The following FAF1 variants were observed in gnomAD, a reference collection of about 807,000 sequenced individuals.
FAF1 encodes the protein FAS-associated factor 1.
In FAF1, 25 loss-of-function variants were observed where a neutral mutation model predicts 92.5. The observed-to-expected ratio is 0.27, with a 90% CI of 0.20 to 0.38. The LOEUF is 0.38. Ranked by LOEUF, FAF1 falls within the 10% of genes least tolerant of loss-of-function variation. The pLI is 1.00. For missense variants in FAF1, 636 were observed against 793.3 expected, an observed-to-expected ratio of 0.80 and a Z score of 2.38; for synonymous variants, 234 against 273.2, an observed-to-expected ratio of 0.86 and a Z score of 1.42.
At chr1:50,590,260 T>C (rs1224742913) in intron 9 of FAF1, among the ~76,000 whole-genome samples, 3 of 152,256 alleles carry the variant, frequency 2.0e-5, no homozygotes, top group African/African-American at 7.2e-5. Flanking sequence ...ACTACAATAT[T>C]ACGCCTTCCA....
At chr1:50,796,987 T>A (rs1401036531) in intron 3 of FAF1, among the ~76,000 whole-genome samples, 7 of 152,034 alleles carry the variant, frequency 4.6e-5, no homozygotes, top group Admixed American at 3.3e-4. Context: ...AATAAAAAAA[T>A]TAGCCGGGCT....
chr1:50,761,682 C>T (rs1323294941), intron 4 of FAF1, among the ~76,000 whole-genome samples: 3 of 152,144 alleles, frequency 2.0e-5, no homozygotes, highest in Non-Finnish European at 2.9e-5. Context: ...ATTGATGGGA[C>T]GTATCTCAAA....
At chr1:50,787,592 T>C (rs116414349) in intron 4 of FAF1, among the ~76,000 whole-genome samples, 15 of 152,306 alleles carry the variant, frequency 9.8e-5, no homozygotes, top group African/African-American at 3.6e-4. Context: ...AGAAAATAAA[T>C]TTCTGTTCCT....
At chr1:50,747,512 T>A (rs1388056935) in intron 4 of FAF1, among the ~76,000 whole-genome samples, 1 of 152,190 alleles carries the variant, frequency 6.6e-6, no homozygotes, top group Non-Finnish European at 1.5e-5. Flanking sequence ...CATTTTATCT[T>A]AGGAGTAAGT....
intron 15 of FAF1, among the ~76,000 whole-genome samples, chr1:50,530,651 G>A (rs1374815860): frequency 6.6e-6 from 1 of 152,084 alleles, no homozygotes; most frequent in Non-Finnish European, 1.5e-5. Context: ...TGGATTGTTT[G>A]TAACTCAAAG....
At chr1:50,734,375 T>G (rs1046374206) in intron 6 of FAF1, among the ~76,000 whole-genome samples, 1 of 152,234 alleles carries the variant, frequency 6.6e-6, no homozygotes, top group Non-Finnish European at 1.5e-5. Context: ...CCAATGGCTT[T>G]TTTAATAATC....
intron 8 of FAF1, among the ~76,000 whole-genome samples, chr1:50,643,061 C>A (rs1288936719): frequency 6.6e-6 from 1 of 152,158 alleles, no homozygotes; most frequent in Non-Finnish European, 1.5e-5. Flanking sequence ...AACTCCTGAC[C>A]TCAGGTGATC....
chr1:50,673,202 G>A (rs1280316445), intron 7 of FAF1, among the ~76,000 whole-genome samples: 4 of 151,698 alleles, frequency 2.6e-5, no homozygotes, highest in South Asian at 2.1e-4. Context: ...AGGTTGCAGT[G>A]AGCCAAGATC....
At chr1:50,469,872 A>G (rs1470186115) in intron 18 of FAF1, among the ~76,000 whole-genome samples, 1 of 152,166 alleles carries the variant, frequency 6.6e-6, no homozygotes, top group East Asian at 1.9e-4. Flanking sequence ...CTGAATCTTG[A>G]TTATTTAGGG....
chr1:50,493,079 C>T (rs1264219197), intron 15 of FAF1, among the ~76,000 whole-genome samples: 5 of 148,932 alleles, frequency 3.4e-5, no homozygotes, highest in African/African-American at 1.3e-4. Context: ...GTCACCCAGG[C>T]TGGAGGGCAG....
intron 1 of FAF1, among the ~76,000 whole-genome samples, chr1:50,890,692 C>T (rs1476228134): frequency 6.6e-6 from 1 of 152,172 alleles, no homozygotes; most frequent in African/African-American, 2.4e-5. Context: ...TATTGGTCCC[C>T]ACTCTCTTCT....
chr1:50,595,408 T>A (rs1451214838), intron 9 of FAF1, among the ~76,000 whole-genome samples: 1 of 152,130 alleles, frequency 6.6e-6, no homozygotes, highest in African/African-American at 2.4e-5. Flanking sequence ...AGGTATAGTG[T>A]TATTCATCTT....
intron 1 of FAF1, among the ~76,000 whole-genome samples, chr1:50,893,518 C>A (rs923748639): frequency 6.6e-6 from 1 of 152,200 alleles, no homozygotes; most frequent in African/African-American, 2.4e-5. Flanking sequence ...TCTTCCCACA[C>A]TTTCTCCCAA....
At chr1:50,946,944 C>A (rs984369600) in intron 1 of FAF1, among the ~76,000 whole-genome samples, 1 of 152,162 alleles carries the variant, frequency 6.6e-6, no homozygotes, top group East Asian at 1.9e-4. Flanking sequence ...ATACAAAAAT[C>A]TTTGGAAAGA....
chr1:50,794,351 C>G (rs1326924042), intron 3 of FAF1, among the ~76,000 whole-genome samples: 1 of 152,226 alleles, frequency 6.6e-6, no homozygotes, highest in Non-Finnish European at 1.5e-5. Context: ...TGTAGTACTA[C>G]GACCACAATC....
intron 1 of FAF1, among the ~76,000 whole-genome samples, chr1:50,941,932 G>A (rs1184574829): frequency 6.6e-6 from 1 of 151,854 alleles, no homozygotes; most frequent in Non-Finnish European, 1.5e-5. Context: ...TTTTTATTAT[G>A]CCAGTAAACT....
chr1:50,750,804 G>C (rs1007625751), intron 4 of FAF1, among the ~76,000 whole-genome samples: 2 of 151,282 alleles, frequency 1.3e-5, no homozygotes, highest in Non-Finnish European at 2.9e-5. Flanking sequence ...TGTATTTTTA[G>C]TAGAGACGGG....
At chr1:50,828,562 C>T (rs1644125339) in intron 2 of FAF1, among the ~76,000 whole-genome samples, 1 of 152,130 alleles carries the variant, frequency 6.6e-6, no homozygotes. Flanking sequence ...AGCCACCGCG[C>T]CCGGCCAAGA....
intron 8 of FAF1, among the ~76,000 whole-genome samples, chr1:50,644,677 C>T (rs1299359043): frequency 6.6e-6 from 1 of 152,228 alleles, no homozygotes; most frequent in Non-Finnish European, 1.5e-5. Context: ...TCTCATAGAA[C>T]TCTTGTTTCC....
Sources: gnomAD v4.1 joint callset for allele counts (sites outside exome capture counted in the v4.1 genomes callset) on GRCh38, gnomAD v4.1.1 for gene constraint, MANE v1.5 for transcripts, NCBI Gene and HGNC (gene_info 2026-07-23, HGNC 2026-07-21) for gene names.